SPTBN5: variants seen among roughly 807,000 people sequenced by gnomAD.
The protein encoded by SPTBN5 is spectrin beta, non-erythrocytic 5.
Under a neutral mutation model 477.6 loss-of-function variants are expected in SPTBN5, and 513 were observed. The observed-to-expected ratio is 1.07, with a 90% CI of 1.00 to 1.16. SPTBN5 has a LOEUF of 1.16. Ranked by LOEUF, SPTBN5 falls within the 50% of genes most tolerant of loss-of-function variation. SPTBN5 has a pLI of 0.00. For missense variants in SPTBN5, 5,062 were observed against 4,731.8 expected (o/e 1.07, Z -2.05); for synonymous variants, 2,169 against 2,011.7 (o/e 1.08, Z -2.09).
Position 41,880,274 on chromosome 15 carries a change from G to T in SPTBN5, c.2697C>A (p.Phe899Leu). Residue 899 changes from phenylalanine (F) to leucine (L), a missense_variant, in exon 14 of 68, where the codon TTC (phenylalanine) becomes TTA (leucine). Coordinates refer to ENST00000320955, the MANE Select transcript of SPTBN5 (RefSeq NM_016642.4). Reference sequence around the variant, plus strand: ...GCTCCCCACAGGAACTGCAGAAACCGAACAGGGCCATGGCCTCCTCCAACC... The same window carrying T: ...GCTCCCCACAGGAACTGCAGAAACCTAACAGGGCCATGGCCTCCTCCAACC... ...RARLEEAMAL[F>L]GFCSSCGELQ... 6.2e-7 allele frequency: 1 copy of T among 1,607,254 alleles called. No homozygotes were observed. The highest frequency in any genetic ancestry group is 8.5e-7 in the Non-Finnish European group (1 of 1,177,460).
At position 41,866,939 on chromosome 15, in the gene SPTBN5, G is replaced by A. The variant is rs759151476; in HGVS notation, c.6480+20C>T. The A allele has an allele frequency of 1.9e-6, 3 of 1,561,048 alleles. No homozygotes were observed. Among genetic ancestry groups the A allele is most frequent in the African/African-American group, 1.4e-5 (1 of 73,806 alleles). On this transcript the variant is annotated intron_variant, in intron 36 of 67. Transcript: ENST00000320955. Reference sequence around the variant, plus strand: ...AGTGTGGTTCCAGTGGAAGGCCCTGGGCTGGGGGTGCCCTCTGACCTGGGT... The same window carrying A: ...AGTGTGGTTCCAGTGGAAGGCCCTGAGCTGGGGGTGCCCTCTGACCTGGGT...
At chr15:41,862,366 C>T in intron 43 of SPTBN5, 74 bp from the exon 44 acceptor site, 1 of 1,530,698 alleles carries the variant, frequency 6.5e-7, no homozygotes, top group Non-Finnish European at 8.8e-7. Flanking sequence ...TGTCTTCTGT[C>T]CCTTAATCCC....
At position 41,854,124 on chromosome 15, in the gene SPTBN5, G is replaced by A. The variant is rs1443135509; in HGVS notation, c.9700C>T (p.Leu3234=). 2 of 1,590,534 alleles carry A rather than the reference G, an allele frequency of 1.3e-6. No homozygotes were observed. Among genetic ancestry groups the A allele is most frequent in the Non-Finnish European group, 1.7e-6 (2 of 1,169,230 alleles). The change falls in exon 57 of 68, where the codon CTG becomes TTG. Residue 3234 remains leucine, a synonymous_variant. Coordinates refer to ENST00000320955, the MANE Select transcript of SPTBN5 (RefSeq NM_016642.4). ...TGGCCTCCGTCCTCCCCCTTCATCA[G>A]GGCCGTCTTCTCCTGCATCCTTCCC... is the stretch of plus-strand genomic sequence containing the variant. ...LQGRMQEKTA[L]MKGEDGGHSL... is the part of the protein sequence containing the mutation.
In SPTBN5 at chr15:41,858,883, G is replaced by C. The variant is rs1567190465; in HGVS notation, c.8079+7C>G. On this transcript the variant is annotated splice_region_variant and intron_variant, in intron 48 of 67. Transcript: ENST00000320955. The stretch of plus-strand genomic sequence containing the variant: ...CATGACCGCCTCCCTCTCCAAGCGA[G>C]GCGAACCTCCTGGGAGTCCTGCAGG... The C allele has an allele frequency of 6.3e-7, 1 of 1,575,444 alleles. No individual in the cohort carries two copies. The highest frequency in any genetic ancestry group is 8.6e-7 in the Non-Finnish European group (1 of 1,158,310).
chr15:41,850,033 C>T (rs2065700030), intron 66 of SPTBN5, 74 bp from the exon 67 acceptor site: 3 of 1,264,340 alleles, frequency 2.4e-6, no homozygotes, highest in South Asian at 1.3e-5. Context: ...CTGCTCCTTC[C>T]TCCAGCTTCT....
In SPTBN5 at chr15:41,858,845, A is replaced by G. The variant is rs1004994382; in HGVS notation, c.8079+45T>C. On this transcript the variant is annotated intron_variant, in intron 48 of 67. Coordinates refer to ENST00000320955, the MANE Select transcript of SPTBN5 (RefSeq NM_016642.4). ...GGAAGGGTGGCCTTTCCCTGGGTCG[A>G]CTCCTTCCCCACCATGACCGCCTCC... is the stretch of plus-strand genomic sequence containing the variant. 12 of 1,544,952 alleles carry G rather than the reference A, an allele frequency of 7.8e-6. No homozygotes were observed. In the African/African-American group the frequency reaches 1.5e-4, roughly 19 times the overall value.
intron 26 of SPTBN5, 101 bp from the exon 27 acceptor site, chr15:41,872,560 C>T: frequency 8.0e-7 from 1 of 1,249,744 alleles, no homozygotes; most frequent in Non-Finnish European, 1.1e-6. Flanking sequence ...TCCATTCACC[C>T]ACCACTCACA....
At chr15:41,870,677 G>A (rs1339981305) in intron 29 of SPTBN5, 117 bp from the exon 30 acceptor site, 3 of 815,306 alleles carry the variant, frequency 3.7e-6, no homozygotes, top group Non-Finnish European at 5.7e-6. Context: ...CTTGCCCAAA[G>A]CTCCTCCTTC....
intron 12 of SPTBN5, 31 bp from the exon 13 acceptor site, chr15:41,881,265 C>G: frequency 6.4e-7 from 1 of 1,558,776 alleles, no homozygotes; most frequent in Non-Finnish European, 8.7e-7. Context: ...CGTCTACAGG[C>G]GACCCCATCA....
rs767210469 is a variant in SPTBN5, at chr15:41,875,057, C to T, written c.4288-1G>A. On this transcript the variant is annotated splice_acceptor_variant, in intron 22 of 67. Transcript: ENST00000320955. LOFTEE classifies it high-confidence loss of function. ...GCTGCTCCAGCTGCTCCTTTGCATC[C>T]TGGGAGGGACGCATGGAGCTGCATT... The T allele has an allele frequency of 6.2e-7, 1 of 1,608,418 alleles. No individual in the cohort carries two copies. Among genetic ancestry groups the T allele is most frequent in the Non-Finnish European group, 8.5e-7 (1 of 1,176,708 alleles).
chr15:41,878,268 T>G, intron 17 of SPTBN5, 74 bp downstream of exon 17: 1 of 1,534,822 alleles, frequency 6.5e-7, no homozygotes, highest in South Asian at 1.2e-5. Context: ...CGCATGCTCT[T>G]TCTGGGCCTG....
chr15:41,867,245 TGA>T, intron 35 of SPTBN5, 119 bp from the exon 36 acceptor site: 1 of 1,211,232 alleles, frequency 8.3e-7, no homozygotes, highest in Non-Finnish European at 1.1e-6. Flanking sequence ...CCCACATGGC[TGA>T]GGGGTATCTG....
At chr15:41,863,659 T>C in intron 41 of SPTBN5, 45 bp downstream of exon 41, 1 of 1,501,102 alleles carries the variant, frequency 6.7e-7, no homozygotes. Flanking sequence ...CTCCCCTGAC[T>C]GCATTTGCTC....
At position 41,876,967 on chromosome 15, in the gene SPTBN5, G is replaced by A. The variant is rs1347381570; in HGVS notation, c.3712-19C>T. On this transcript the variant is annotated intron_variant, in intron 18 of 67. Coordinates refer to ENST00000320955, the MANE Select transcript of SPTBN5 (RefSeq NM_016642.4). Reference sequence around the variant, plus strand: ...CGTCCTCCTGGGAGTGCAGAGACCTGAGGTCATGCCTGGGAGAATGGGGGT... The same window carrying A: ...CGTCCTCCTGGGAGTGCAGAGACCTAAGGTCATGCCTGGGAGAATGGGGGT... The A allele has an allele frequency of 6.3e-7, 1 of 1,597,600 alleles. No individual in the cohort carries two copies. The highest frequency in any genetic ancestry group is 1.3e-5 in the African/African-American group (1 of 74,552).
chr15:41,873,830 C>A lies in SPTBN5; in HGVS notation c.4890+15G>T. The A allele has an allele frequency of 6.2e-7, 1 of 1,608,616 alleles. No individual in the cohort carries two copies. Among genetic ancestry groups the A allele is most frequent in the Non-Finnish European group, 8.5e-7 (1 of 1,179,764 alleles). The stretch of plus-strand genomic sequence containing the variant: ...CTTCTGCCTCTTCCCCCAACCCCAC[C>A]TCTCTGCATCCTACCTGCTGGAAAG... On this transcript the variant is annotated intron_variant, in intron 25 of 67. Coordinates refer to ENST00000320955, the MANE Select transcript of SPTBN5 (RefSeq NM_016642.4).
chr15:41,893,319 A>G lies in SPTBN5; in HGVS notation c.179T>C (p.Phe60Ser). The G allele has an allele frequency of 1.9e-6, 3 of 1,613,988 alleles. No individual in the cohort carries two copies. The highest frequency in any genetic ancestry group is 1.7e-6 in the Non-Finnish European group (2 of 1,179,890). ...ARHMQMQEKT[F>S]TKWINNVFQC... is the part of the protein sequence containing the mutation. Reference sequence around the variant, plus strand: ...GAAGACGTTATTGATCCACTTGGTGAAAGTCTTCTCCTGCATCTGCATGTG... The same window carrying G: ...GAAGACGTTATTGATCCACTTGGTGGAAGTCTTCTCCTGCATCTGCATGTG... The change falls in exon 2 of 68, where the codon TTC becomes TCC. Residue 60 changes from phenylalanine to serine, a missense_variant. Transcript: ENST00000320955.
Position 41,893,029 on chromosome 15 carries a change from C to G in SPTBN5, c.249G>C (p.Glu83Asp), listed in dbSNP as rs370269574. 61 of 1,611,376 alleles carry G rather than the reference C, an allele frequency of 3.8e-5. No homozygotes were observed. Among genetic ancestry groups the G allele is most frequent in the Non-Finnish European group, 5.1e-5 (60 of 1,179,822 alleles). ...GCAGGAGGTGGATGCCGTCAGCCAG[C>G]TCTGTGTACAGGTTCCGGATCTTGA... Reference protein sequence around the residue: ...AGIKIRNLYTELADGIHLLRL... With the variant: ...AGIKIRNLYTDLADGIHLLRL... The change falls in exon 3 of 68, where the codon GAG becomes GAC. Residue 83 changes from glutamate (E) to aspartate (D), a missense_variant. Physicochemically the swap from Glu to Asp is conservative, Grantham distance 45. Transcript: ENST00000320955.
chr15:41,878,711 A>T (rs888831242), intron 16 of SPTBN5, 82 bp from the exon 17 acceptor site: 3 of 1,446,012 alleles, frequency 2.1e-6, no homozygotes, highest in African/African-American at 1.4e-5. Flanking sequence ...CCAAACCTGC[A>T]TCCCCCAGGG....
intron 26 of SPTBN5, among the ~76,000 whole-genome samples, 182 bp downstream of exon 26, chr15:41,873,310 C>T (rs1311122659): frequency 6.6e-6 from 1 of 152,046 alleles, no homozygotes. Context: ...CATCACAGTG[C>T]CCAGGTTGCC....
Sources: gnomAD v4.1 joint callset for allele counts (sites outside exome capture counted in the v4.1 genomes callset) on GRCh38, gnomAD v4.1.1 for gene constraint, MANE v1.5 for transcripts, NCBI Gene and HGNC (gene_info 2026-07-23, HGNC 2026-07-21) for gene names.